The following TAFA2 variants were observed in gnomAD, a reference collection of about 807,000 sequenced individuals.
TAFA2 encodes the protein TAFA chemokine like family member 2.
TAFA2 carries 7 observed loss-of-function variants against 18.8 expected under a neutral mutation model. That is an observed-to-expected ratio of 0.37 (90% CI 0.21 to 0.70). TAFA2 has a LOEUF of 0.70. TAFA2 is among the 30% of genes least tolerant of loss of function. TAFA2 has a pLI of 0.53. For synonymous variants in TAFA2, 60 were observed against 54.2 expected (o/e 1.11, Z -0.47); for missense variants, 122 against 158.1 (o/e 0.77, Z 1.23).
chr12:61,914,445 T>C (rs1295525311), intron 1 of TAFA2, among the ~76,000 whole-genome samples: 1 of 152,142 alleles, frequency 6.6e-6, no homozygotes, highest in Non-Finnish European at 1.5e-5. Context: ...TGAATGCCTA[T>C]AAGGTTGGAA....
chr12:62,198,555 G>C (rs1592396798), intron 1 of TAFA2: 1 of 152,224 alleles, frequency 6.6e-6, no homozygotes, highest in Non-Finnish European at 1.5e-5. Context: ...ATAGTTCTTA[G>C]CTTGTAGGAT....
chr12:61,795,501 G>A (rs1013796362), intron 2 of TAFA2, among the ~76,000 whole-genome samples: 4 of 151,776 alleles, frequency 2.6e-5, no homozygotes, highest in Non-Finnish European at 5.9e-5. Context: ...AACACCACAT[G>A]TTCTCACTCA....
intron 1 of TAFA2, among the ~76,000 whole-genome samples, chr12:62,028,391 T>G (rs1881364706): frequency 6.6e-6 from 1 of 152,108 alleles, no homozygotes; most frequent in South Asian, 2.1e-4. Context: ...CCTTTGCACT[T>G]CTCTCTGTCT....
chr12:62,103,735 CCTT>C (rs1869313572), intron 1 of TAFA2, among the ~76,000 whole-genome samples: 1 of 149,364 alleles, frequency 6.7e-6, no homozygotes, highest in South Asian at 2.1e-4. Flanking sequence ...GCATGAAACT[CCTT>C]CTCAAAAAGA....
At chr12:61,914,509 A>C (rs1485315188) in intron 1 of TAFA2, among the ~76,000 whole-genome samples, 3 of 152,174 alleles carry the variant, frequency 2.0e-5, no homozygotes, top group East Asian at 3.9e-4. Flanking sequence ...TGTAAACCTA[A>C]TTAAAATGAC....
intron 4 of TAFA2, among the ~76,000 whole-genome samples, chr12:61,733,281 A>G (rs1868253091): frequency 6.6e-6 from 1 of 151,810 alleles, no homozygotes; most frequent in African/African-American, 2.4e-5. Context: ...GTTTAATTAG[A>G]TCCCATTTGT....
intron 1 of TAFA2, among the ~76,000 whole-genome samples, chr12:62,219,307 G>A (rs528087131): frequency 6.6e-6 from 1 of 152,216 alleles, no homozygotes; most frequent in Non-Finnish European, 1.5e-5. Flanking sequence ...TGAAATCATA[G>A]GTCACAATTT....
At chr12:62,091,087 C>T (rs1273662068) in intron 1 of TAFA2, among the ~76,000 whole-genome samples, 1 of 151,966 alleles carries the variant, frequency 6.6e-6, no homozygotes, top group Non-Finnish European at 1.5e-5. Flanking sequence ...AAGCATTTTG[C>T]TAGAAACAGG....
At chr12:61,922,499 G>A (rs373207557) in intron 1 of TAFA2, among the ~76,000 whole-genome samples, 37 of 152,160 alleles carry the variant, frequency 2.4e-4, no homozygotes, top group African/African-American at 5.8e-4. Flanking sequence ...GCAAGGGGTC[G>A]GGGAACCCCC....
chr12:62,052,169 T>G (rs2136775780), intron 1 of TAFA2, among the ~76,000 whole-genome samples: 1 of 149,084 alleles, frequency 6.7e-6, no homozygotes, highest in Non-Finnish European at 1.5e-5. Context: ...TTCTCCTTCT[T>G]TTGTGTGTGT....
chr12:61,880,579 C>A (rs192154756), intron 1 of TAFA2: 5 of 465,694 alleles, frequency 1.1e-5, no homozygotes. Context: ...CCAGTGGCTA[C>A]GCAGGAGGGC....
At chr12:62,190,251 G>C (rs1484150583) in intron 1 of TAFA2, among the ~76,000 whole-genome samples, 2 of 152,124 alleles carry the variant, frequency 1.3e-5, no homozygotes, top group Admixed American at 6.5e-5. Context: ...AGCGTCTATG[G>C]TTCTTCCTTT....
chr12:61,972,589 G>T (rs1879286989), intron 1 of TAFA2, among the ~76,000 whole-genome samples: 1 of 151,686 alleles, frequency 6.6e-6, no homozygotes, highest in Non-Finnish European at 1.5e-5. Flanking sequence ...AAGGAGGCTA[G>T]AAATGGGGAA....
intron 4 of TAFA2, among the ~76,000 whole-genome samples, chr12:61,713,950 C>T (rs1869530560): frequency 6.6e-6 from 1 of 152,098 alleles, no homozygotes; most frequent in African/African-American, 2.4e-5. Context: ...TAAGCATTGC[C>T]ATATTTTTAC....
In TAFA2 at chr12:62,117,659, G is replaced by A. The variant is rs533512907; in HGVS notation, c.-2+73600C>T. ...TAATTTAAGTGAGCACCAAGAAAAT[G>A]TAGTAGAATGAGTCCTATGTTTCCT... On this transcript the variant is annotated intron_variant, in intron 1 of 4. Coordinates refer to ENST00000416284, the MANE Select transcript of TAFA2 (RefSeq NM_178539.5). Among the ~76,000 whole-genome samples the A allele has an allele frequency of 1.2e-3, 190 of 152,180 alleles. 1 individual carries two copies. The highest frequency in any genetic ancestry group is 4.2e-3 in the African/African-American group (174 of 41,544).
chr12:62,154,236 TC>T (rs2062352743), intron 1 of TAFA2, among the ~76,000 whole-genome samples: 1 of 152,186 alleles, frequency 6.6e-6, no homozygotes, highest in Non-Finnish European at 1.5e-5. Context: ...TCTTGATCTT[TC>T]CCTCTGGTCC....
intron 2 of TAFA2, among the ~76,000 whole-genome samples, chr12:61,757,461 T>C (rs979205912): frequency 2.0e-4 from 30 of 151,980 alleles, no homozygotes; most frequent in African/African-American, 7.2e-4. Flanking sequence ...GCTTAAAAGA[T>C]ACCAATGCAG....
chr12:61,937,599 C>A (rs1388455365), intron 1 of TAFA2, among the ~76,000 whole-genome samples: 1 of 152,058 alleles, frequency 6.6e-6, no homozygotes, highest in East Asian at 1.9e-4. Flanking sequence ...AAATGGATAG[C>A]CACATGTAGA....
intron 1 of TAFA2, among the ~76,000 whole-genome samples, chr12:62,095,660 ATTT>A (rs1379227747): frequency 1.3e-5 from 2 of 152,144 alleles, no homozygotes; most frequent in African/African-American, 4.8e-5. Flanking sequence ...CTCTCACCTG[ATTT>A]TAGTAAACTT....
Sources: gnomAD v4.1 joint callset for allele counts (sites outside exome capture counted in the v4.1 genomes callset) on GRCh38, gnomAD v4.1.1 for gene constraint, MANE v1.5 for transcripts, NCBI Gene and HGNC (gene_info 2026-07-23, HGNC 2026-07-21) for gene names.